Variants in JAKMIP3 observed in about 807,000 individuals in gnomAD.
JAKMIP3 encodes the protein janus kinase and microtubule-interacting protein 3.
In JAKMIP3, 58 loss-of-function variants were observed where a neutral mutation model predicts 118.5. The ratio of observed to expected loss-of-function variants is 0.49; its 90% CI spans 0.40 to 0.61. The LOEUF is 0.61. JAKMIP3 is among the 20% of genes least tolerant of loss of function. JAKMIP3 has a pLI of 0.00. For missense variants in JAKMIP3, 950 were observed against 1,109.0 expected, an observed-to-expected ratio of 0.86 and a Z score of 2.04; for synonymous variants, 486 against 451.2, an observed-to-expected ratio of 1.08 and a Z score of -0.98.
At chr10:132,154,051 G>C (rs77155409) in intron 19 of JAKMIP3, 61 bp downstream of exon 19, 204,925 of 1,512,210 alleles carry the variant, frequency 0.14, 15,606 homozygotes, top group Non-Finnish European at 0.15. Context: ...CGGCCACGTG[G>C]CTCAGGTGCC....
At chr10:132,181,540 A>G (rs1358861964) in intron 23 of JAKMIP3, 1 of 152,208 alleles carries the variant, frequency 6.6e-6, no homozygotes. Context: ...TGGTTCCGGG[A>G]CAACCTATTT....
intron 1 of JAKMIP3, among the ~76,000 whole-genome samples, chr10:132,079,501 A>G (rs991754467): frequency 6.6e-6 from 1 of 152,212 alleles, no homozygotes; most frequent in Non-Finnish European, 1.5e-5. Flanking sequence ...ACCAACATGG[A>G]AACAAGCCAG....
upstream of JAKMIP3, among the ~76,000 whole-genome samples, chr10:132,063,557 G>A (rs1327091761): frequency 1.3e-5 from 2 of 152,212 alleles, no homozygotes; most frequent in Non-Finnish European, 2.9e-5. Flanking sequence ...TGCTCCCTAA[G>A]CTGGAACGCC....
rs74161710 is a variant in JAKMIP3 at position 132,037,768 on chromosome 10, T to C, written c.-138+1030T>C. ...GGCGGGCAGGCACCCTGCAGCCCTT[T>C]CAGGAGGAAGAGCCTGGCCAAGCGC... On this transcript the variant is annotated intron_variant, in intron 1 of 23. Transcript: ENST00000657785. Among the ~76,000 whole-genome samples, 640 of 152,322 alleles carry C rather than the reference T, an allele frequency of 4.2e-3. 3 individuals are homozygous for C. Among genetic ancestry groups the C allele is most frequent in the African/African-American group, 0.015 (606 of 41,584 alleles).
At chr10:132,097,940 TC>T (rs1281798733) in intron 1 of JAKMIP3, among the ~76,000 whole-genome samples, 1 of 35,408 alleles carries the variant, frequency 2.8e-5, no homozygotes, top group African/African-American at 8.7e-5. Flanking sequence ...CCTTCCCCTT[TC>T]CCTTTCCCAT....
intron 23 of JAKMIP3, among the ~76,000 whole-genome samples, chr10:132,180,908 C>T (rs115976723): frequency 0.021 from 3,259 of 152,096 alleles, 113 homozygotes; most frequent in African/African-American, 0.073. Context: ...TTGTGCATTG[C>T]ATGTGCCTGT....
At chr10:132,125,746 G>T (rs752711136) in intron 3 of JAKMIP3, among the ~76,000 whole-genome samples, 2 of 152,128 alleles carry the variant, frequency 1.3e-5, no homozygotes, top group Admixed American at 6.5e-5. Context: ...TAAATGGTCT[G>T]CTTTTCACAT....
intron 2 of JAKMIP3, among the ~76,000 whole-genome samples, chr10:132,107,755 G>A (rs1449316726): frequency 1.3e-5 from 2 of 152,192 alleles, no homozygotes; most frequent in Admixed American, 6.5e-5. Flanking sequence ...TTATTCACAT[G>A]CCCCACCGTG....
chr10:132,169,277 G>A (rs949882935), intron 23 of JAKMIP3, among the ~76,000 whole-genome samples: 8 of 152,138 alleles, frequency 5.3e-5, no homozygotes, highest in South Asian at 2.1e-4. Flanking sequence ...GGGACCTGGC[G>A]TCTGGCAGAG....
At chr10:132,161,415 G>A (rs1484050908) in intron 19 of JAKMIP3, among the ~76,000 whole-genome samples, 1 of 80,300 alleles carries the variant, frequency 1.2e-5, no homozygotes, top group African/African-American at 5.1e-5. Context: ...GTCTTACTGG[G>A]GGGGGCCTCT....
At position 132,117,694 on chromosome 10, in the gene JAKMIP3, G is replaced by A. The variant is rs953584789; in HGVS notation, c.633+120G>A. 19 of 1,154,610 alleles carry A rather than the reference G, an allele frequency of 1.6e-5. No homozygotes were observed. The highest frequency in any genetic ancestry group is 3.8e-5 in the Admixed American group (1 of 26,106). The allele number at this position is 1,154,610 out of a possible 1,614,324, so 71.5% of individuals were successfully genotyped here. ...GCTCGGGGAGCACGCGGGCAGCACC[G>A]GCTTCACCCCCCATGACATTCTTAG... On this transcript the variant is annotated intron_variant, in intron 3 of 23. Transcript: ENST00000684848. The surrounding 1 kb of genome is among the most constrained non-coding windows in gnomAD (Gnocchi z 8.6).
At chr10:132,100,081 G>A (rs558094996) in intron 1 of JAKMIP3, among the ~76,000 whole-genome samples, 5 of 152,280 alleles carry the variant, frequency 3.3e-5, no homozygotes, top group East Asian at 3.9e-4. Context: ...TCCTGCCCCC[G>A]GGCTGATCCA....
chr10:132,174,950 GGGTTGTTTGC>G (rs2060014486), intron 23 of JAKMIP3, among the ~76,000 whole-genome samples: 1 of 151,998 alleles, frequency 6.6e-6, no homozygotes, highest in Admixed American at 6.6e-5. Flanking sequence ...TTTTTGTATT[GGGTTGTTTGC>G]TTTGTTATTC....
chr10:132,148,354 C>T (rs1241483572), intron 14 of JAKMIP3, among the ~76,000 whole-genome samples: 1 of 152,188 alleles, frequency 6.6e-6, no homozygotes, highest in African/African-American at 2.4e-5. Context: ...CCGTGGCGCT[C>T]AGTGTCATGC....
chr10:132,047,252 T>C (rs543239567), intron 1 of JAKMIP3, among the ~76,000 whole-genome samples: 8 of 152,312 alleles, frequency 5.3e-5, no homozygotes, highest in African/African-American at 1.9e-4. Context: ...TTCTCATTGG[T>C]TTGCAGAGAT....
intron 1 of JAKMIP3, among the ~76,000 whole-genome samples, chr10:132,079,981 G>T (rs1428150871): frequency 6.6e-6 from 1 of 152,214 alleles, no homozygotes; most frequent in African/African-American, 2.4e-5. Flanking sequence ...GTGAACACAG[G>T]TGGACAAATG....
intron 23 of JAKMIP3, among the ~76,000 whole-genome samples, chr10:132,172,424 C>T (rs1184632686): frequency 6.6e-6 from 1 of 152,058 alleles, no homozygotes; most frequent in Non-Finnish European, 1.5e-5. Context: ...ACTGAAAACA[C>T]CACGTTTCTC....
Position 132,180,580 on chromosome 10 carries a change from CGTGCGCGTGTGT to C in JAKMIP3, c.*1104-1773_*1104-1762del, listed in dbSNP as rs1375042570. Among the ~76,000 whole-genome samples the C allele has an allele frequency of 3.9e-4, 5 of 12,976 alleles. 1 individual carries two copies. The highest frequency in any genetic ancestry group is 5.4e-4 in the African/African-American group (1 of 1,854). 8.5% of individuals were successfully genotyped at this position (12,976 alleles called of 152,430 possible). A position where few individuals can be genotyped will look rare whatever the true frequency, so the allele number is the denominator to read the frequency against. Reference sequence around the variant, plus strand: ...ATGCGTGTGTGTGCGTGTGTGTGTGCGTGCGCGTGTGTGTGTGCGTGCGCGTGTGTGTGTGCG... The same window carrying C: ...ATGCGTGTGTGTGCGTGTGTGTGTGCGTGTGCGTGCGCGTGTGTGTGTGCG... On this transcript the variant is annotated intron_variant, in intron 23 of 23. Coordinates refer to ENST00000684848, the MANE Select transcript of JAKMIP3 (RefSeq NM_001323087.2).
intron 9 of JAKMIP3, 37 bp downstream of exon 9, chr10:132,138,215 C>T (rs776580322): frequency 3.8e-6 from 6 of 1,562,652 alleles, no homozygotes; most frequent in East Asian, 2.3e-5. Flanking sequence ...GGAGAGTACG[C>T]CGGGTGTGTG....
Sources: allele counts gnomAD v4.1 joint callset (sites outside exome capture counted in the v4.1 genomes callset), GRCh38; gene constraint gnomAD v4.1.1; non-coding constraint Gnocchi (gnomAD v3.1); transcripts MANE v1.5; gene names NCBI Gene and HGNC (gene_info 2026-07-23, HGNC 2026-07-21).